The following PDLIM5 variants were observed in gnomAD, a reference collection of about 807,000 sequenced individuals.
The protein encoded by PDLIM5 is PDZ and LIM domain protein 5.
PDLIM5 carries 34 observed loss-of-function variants against 64.2 expected under a neutral mutation model. That is an observed-to-expected ratio of 0.53 (90% CI 0.40 to 0.71). PDLIM5 has a LOEUF of 0.71. Among genes scored for constraint, PDLIM5 ranks in the 30% least tolerant of loss-of-function variants. The pLI is 0.00. For synonymous variants in PDLIM5, 253 were observed against 269.1 expected, an observed-to-expected ratio of 0.94 and a Z score of 0.59; for missense variants, 683 against 733.6, an observed-to-expected ratio of 0.93 and a Z score of 0.80.
At chr4:94,540,017 CTAA>C (rs1201775703) in intron 3 of PDLIM5, among the ~76,000 whole-genome samples, 1 of 151,880 alleles carries the variant, frequency 6.6e-6, no homozygotes, top group African/African-American at 2.4e-5. Flanking sequence ...AATAATACTA[CTAA>C]TAATAATACT....
At chr4:94,630,015 G>T (rs1030852765) in intron 8 of PDLIM5, among the ~76,000 whole-genome samples, 5 of 152,172 alleles carry the variant, frequency 3.3e-5, no homozygotes, top group African/African-American at 1.2e-4. Flanking sequence ...GCCACCATCT[G>T]TTTGAGATGG....
At chr4:94,490,451 C>G (rs1306169520) in intron 2 of PDLIM5, among the ~76,000 whole-genome samples, 1 of 151,936 alleles carries the variant, frequency 6.6e-6, no homozygotes, top group Non-Finnish European at 1.5e-5. Context: ...ATTATTTATT[C>G]ATATTACTGA....
chr4:94,555,706 A>G (rs1202071089), intron 3 of PDLIM5, among the ~76,000 whole-genome samples: 2 of 151,958 alleles, frequency 1.3e-5, no homozygotes, highest in African/African-American at 2.4e-5. Context: ...AAATACATGG[A>G]TATCGTGTGC....
intron 2 of PDLIM5, among the ~76,000 whole-genome samples, chr4:94,491,656 T>C (rs1006201466): frequency 6.6e-6 from 1 of 152,056 alleles, no homozygotes; most frequent in African/African-American, 2.4e-5. Context: ...CTCTGACTCA[T>C]GGAAGTTAGG....
chr4:94,584,961 G>A, intron 5 of PDLIM5: 1 of 1,499,016 alleles, frequency 6.7e-7, no homozygotes, highest in Non-Finnish European at 9.2e-7. Flanking sequence ...TCTTTCTTCT[G>A]CTGCCTTCCT....
chr4:94,660,253 C>T (rs1742576755), intron 11 of PDLIM5, among the ~76,000 whole-genome samples: 1 of 152,172 alleles, frequency 6.6e-6, no homozygotes, highest in African/African-American at 2.4e-5. Context: ...ACCTTACCTT[C>T]TGTCACCAGA....
chr4:94,587,007 C>G (rs372509415), intron 7 of PDLIM5: 3 of 1,576,010 alleles, frequency 1.9e-6, no homozygotes, highest in Admixed American at 1.7e-5. Context: ...TACCCCTTCA[C>G]GTCTTTAGTC....
At chr4:94,541,807 C>T (rs1463152269) in intron 3 of PDLIM5, among the ~76,000 whole-genome samples, 3 of 152,184 alleles carry the variant, frequency 2.0e-5, no homozygotes, top group Non-Finnish European at 4.4e-5. Context: ...ACTGATTGGT[C>T]TTCATTTGAT....
chr4:94,633,748 A>G (rs1740337772), intron 8 of PDLIM5, among the ~76,000 whole-genome samples: 3 of 152,198 alleles, frequency 2.0e-5, no homozygotes, highest in African/African-American at 7.2e-5. Flanking sequence ...AATAAACAAT[A>G]AAAAGAATAT....
intron 11 of PDLIM5, among the ~76,000 whole-genome samples, chr4:94,659,482 A>T (rs6532498): frequency 7.5e-6 from 1 of 133,650 alleles, no homozygotes. Context: ...CAGCTGTAGT[A>T]TATATGTGTG....
chr4:94,625,737 G>A (rs1012696268), intron 8 of PDLIM5, among the ~76,000 whole-genome samples: 3 of 152,166 alleles, frequency 2.0e-5, no homozygotes. Context: ...ACAGACGTGA[G>A]CCACTGCGCC....
chr4:94,646,569 T>C (rs1294517483), intron 9 of PDLIM5, among the ~76,000 whole-genome samples: 1 of 152,208 alleles, frequency 6.6e-6, no homozygotes, highest in African/African-American at 2.4e-5. Context: ...AACAACCAAA[T>C]TAATATGGTA....
At chr4:94,622,153 A>T (rs773428031) in intron 8 of PDLIM5, among the ~76,000 whole-genome samples, 4 of 152,228 alleles carry the variant, frequency 2.6e-5, no homozygotes, top group Admixed American at 1.3e-4. Context: ...GACAATAACA[A>T]CAACAAAATC....
At chr4:94,578,837 A>G (rs1560716647) in intron 5 of PDLIM5, among the ~76,000 whole-genome samples, 1 of 152,062 alleles carries the variant, frequency 6.6e-6, no homozygotes, top group Non-Finnish European at 1.5e-5. Flanking sequence ...TAATTTAAAA[A>G]ATAATACATA....
chr4:94,573,429 A>T, intron 4 of PDLIM5, 36 bp downstream of exon 4: 1 of 1,526,284 alleles, frequency 6.6e-7, no homozygotes, highest in Non-Finnish European at 9.1e-7. Flanking sequence ...GTATCACTTG[A>T]TTGTCCTTGC....
chr4:94,665,506 AGAGAGAGAGAGAAT>A lies in PDLIM5; in HGVS notation c.*1440_*1453del. On this transcript the variant is annotated 3_prime_UTR_variant, in exon 13 of 13. Coordinates refer to ENST00000317968, the MANE Select transcript of PDLIM5 (RefSeq NM_006457.5). ...TAAAAAAAAAAAAAAAAAAAAAAAA[AGAGAGAGAGAGAAT>A]AAATAGAAAAGAATGTGGCTGGGAA... 3 of 652,384 alleles carry A rather than the reference AGAGAGAGAGAGAAT, an allele frequency of 4.6e-6. No individual in the cohort carries two copies. Among genetic ancestry groups the A allele is most frequent in the Non-Finnish European group, 5.5e-6 (3 of 545,056 alleles). The allele number at this position is 652,384 out of a possible 1,614,324, so 40.4% of individuals were successfully genotyped here.
intron 5 of PDLIM5, among the ~76,000 whole-genome samples, chr4:94,580,505 C>T (rs867336632): frequency 5.3e-5 from 8 of 151,828 alleles, no homozygotes; most frequent in South Asian, 2.1e-4. Context: ...TTTTTCTGGA[C>T]GGAGACTTAG....
intron 3 of PDLIM5, among the ~76,000 whole-genome samples, chr4:94,531,298 G>T (rs1283673584): frequency 1.3e-5 from 2 of 152,058 alleles, no homozygotes; most frequent in Admixed American, 6.6e-5. Context: ...CTTAGGAGTG[G>T]GAAAGAGGAC....
Position 94,523,862 on chromosome 4 carries a change from A to G in PDLIM5, c.235A>G (p.Met79Val), listed in dbSNP as rs1322310702. 3.1e-6 allele frequency: 5 copies of G among 1,612,344 alleles called. No homozygotes were observed. Among genetic ancestry groups the G allele is most frequent in the Non-Finnish European group, 4.2e-6 (5 of 1,178,850 alleles). ...KIKGCTGSLNMTLQRASAAPK... is the reference protein window; with the variant it reads ...KIKGCTGSLNVTLQRASAAPK... ...TAAGGGTTGTACAGGCTCTTTGAAT[A>G]TGACTCTGCAAAGGTAAGTTGCTTT... Residue 79 changes from methionine (M) to valine (V), a missense_variant, in exon 3 of 13, where the codon ATG becomes GTG. By Grantham distance (21) the Met-to-Val change is conservative. Coordinates refer to ENST00000317968, the MANE Select transcript of PDLIM5 (RefSeq NM_006457.5).
Sources: gnomAD v4.1 joint callset for allele counts (sites outside exome capture counted in the v4.1 genomes callset) on GRCh38, gnomAD v4.1.1 for gene constraint, MANE v1.5 for transcripts, NCBI Gene and HGNC (gene_info 2026-07-23, HGNC 2026-07-21) for gene names.